The following BOC variants were observed in gnomAD, a reference collection of about 807,000 sequenced individuals.
BOC encodes the protein BOC cell adhesion associated, oncogene regulated, also known as brother of CDO.
In BOC, 76 loss-of-function variants were observed where a neutral mutation model predicts 112.0. The observed-to-expected ratio is 0.68, with a 90% CI of 0.56 to 0.82. BOC has a LOEUF of 0.82. Ranked by LOEUF, BOC falls within the 40% of genes least tolerant of loss-of-function variation. The pLI, the probability that BOC is intolerant of heterozygous loss-of-function variation, is 0.00. For missense variants in BOC, 1,309 were observed against 1,511.7 expected (o/e 0.87, Z 2.22); for synonymous variants, 580 against 599.8 (o/e 0.97, Z 0.48).
chr3:113,284,748 G>C (rs775222), intron 17 of BOC, 34 bp from the exon 18 acceptor site: 322,716 of 1,600,310 alleles, frequency 0.2, 38,025 homozygotes, highest in East Asian at 0.46. Context: ...GGACTCCCCG[G>C]CGTGGCCGTC....
At chr3:113,273,403 G>A in intron 8 of BOC, 62 bp downstream of exon 8, 1 of 1,492,600 alleles carries the variant, frequency 6.7e-7, no homozygotes, top group Admixed American at 2.3e-5. Context: ...TTTCTCAAAT[G>A]AAATCTAACT....
chr3:113,213,084 T>C (rs1490625048), intron 1 of BOC, among the ~76,000 whole-genome samples: 6 of 152,108 alleles, frequency 3.9e-5, no homozygotes, highest in Non-Finnish European at 8.8e-5. Flanking sequence ...GTTGTGCTCC[T>C]CCAGAGATGT....
At position 113,281,165 on chromosome 3, in the gene BOC, T is replaced by G. The variant is rs1176938422; in HGVS notation, c.2434+12T>G. ...CTGTGAGACCAAAGGTGAAGCTCTT[T>G]GGGTTCTCTCTCCTGTCTTGGTGTT... On this transcript the variant is annotated intron_variant, in intron 15 of 19. Coordinates refer to ENST00000682979, the MANE Select transcript of BOC (RefSeq NM_001378074.1). 15 of 1,613,810 alleles carry G rather than the reference T, an allele frequency of 9.3e-6. No homozygotes were observed. The highest frequency in any genetic ancestry group is 1.3e-5 in the African/African-American group (1 of 74,918).
rs773389786 is a variant in BOC at position 113,286,895 on chromosome 3, T to TG, written c.*34dup. The TG allele has an allele frequency of 2.1e-5, 31 of 1,484,376 alleles. No homozygotes were observed. The highest frequency in any genetic ancestry group is 3.0e-5 in the African/African-American group (2 of 65,710). The allele number at this position is 1,484,376 out of a possible 1,614,324, so 92.0% of individuals were successfully genotyped here. A position where few individuals can be genotyped will look rare whatever the true frequency, so the allele number is the denominator to read the frequency against. ...CTGATATCCCAGAAAGACTATATAT[T>TG]GTTTTTTTTTTAAAAAAAAAAAGAA... On this transcript the variant is annotated 3_prime_UTR_variant, in exon 20 of 20. Transcript: ENST00000682979.
chr3:113,220,912 C>G (rs77743786), intron 2 of BOC, among the ~76,000 whole-genome samples: 13,009 of 152,186 alleles, frequency 0.085, 1,488 homozygotes, highest in African/African-American at 0.26. Context: ...CCATCTGAGA[C>G]AACAGAAGTC....
intron 2 of BOC, among the ~76,000 whole-genome samples, chr3:113,238,518 T>G (rs1335313355): frequency 6.6e-6 from 1 of 152,252 alleles, no homozygotes; most frequent in Non-Finnish European, 1.5e-5. Flanking sequence ...TATGTTACTT[T>G]TCTCATCTTT....
At chr3:113,254,328 G>A (rs1006282800) in intron 4 of BOC, among the ~76,000 whole-genome samples, 13 of 152,322 alleles carry the variant, frequency 8.5e-5, no homozygotes, top group African/African-American at 3.1e-4. Flanking sequence ...GCAGGCATGG[G>A]GGGCTGTGTC....
At chr3:113,228,667 C>T (rs931488974) in intron 2 of BOC, among the ~76,000 whole-genome samples, 3 of 152,118 alleles carry the variant, frequency 2.0e-5, no homozygotes, top group African/African-American at 7.2e-5. Context: ...GAGTGGGGTC[C>T]ACTTCCTGTC....
At chr3:113,264,907 C>T (rs562816780) in intron 4 of BOC, among the ~76,000 whole-genome samples, 52 of 152,328 alleles carry the variant, frequency 3.4e-4, no homozygotes, top group African/African-American at 1.1e-3. Flanking sequence ...GCCTGCCAGT[C>T]GCCCCTTGTG....
intron 2 of BOC, among the ~76,000 whole-genome samples, chr3:113,236,266 G>GGGTATATATA (rs1553726809): frequency 3.8e-5 from 2 of 52,620 alleles, no homozygotes; most frequent in African/African-American, 1.2e-4. Flanking sequence ...GTGTGTGTGT[G>GGGTATATATA]TATATATACC....
intron 4 of BOC, among the ~76,000 whole-genome samples, chr3:113,259,122 A>C: frequency 6.6e-6 from 1 of 152,196 alleles, no homozygotes; most frequent in East Asian, 1.9e-4. Context: ...GCATCTTGGC[A>C]GCAAATGTCT....
intron 6 of BOC, 89 bp downstream of exon 6, chr3:113,271,033 C>G: frequency 6.4e-7 from 1 of 1,559,902 alleles, no homozygotes; most frequent in Non-Finnish European, 8.8e-7. Flanking sequence ...CCTGGAGGTG[C>G]CACATCCAAG....
intron 4 of BOC, among the ~76,000 whole-genome samples, chr3:113,257,709 T>C (rs986949629): frequency 2.0e-5 from 3 of 152,120 alleles, no homozygotes; most frequent in Non-Finnish European, 4.4e-5. Context: ...ATATATTTTC[T>C]TACTACAATT....
chr3:113,231,761 T>A (rs1456437031), intron 2 of BOC, among the ~76,000 whole-genome samples: 1 of 152,212 alleles, frequency 6.6e-6, no homozygotes, highest in Non-Finnish European at 1.5e-5. Context: ...TCCTCACTAA[T>A]CTCCTTTCCA....
At chr3:113,224,831 C>T (rs943515730) in intron 2 of BOC, among the ~76,000 whole-genome samples, 7 of 152,112 alleles carry the variant, frequency 4.6e-5, no homozygotes, top group Admixed American at 1.3e-4. Flanking sequence ...TGGTGGCTCA[C>T]GCCTGTAATC....
rs1317813108 is a variant in BOC at position 113,279,725 on chromosome 3, T to C, written c.2024-99T>C. The C allele has an allele frequency of 2.3e-6, 3 of 1,308,440 alleles. No individual in the cohort carries two copies. In the African/African-American group the frequency reaches 4.5e-5, roughly 19 times the overall value. 81.1% of individuals were successfully genotyped at this position (1,308,440 alleles called of 1,614,324 possible). A position where few individuals can be genotyped will look rare whatever the true frequency, so the allele number is the denominator to read the frequency against. On this transcript the variant is annotated intron_variant, in intron 12 of 19. Transcript: ENST00000682979. ...TTGAGAACTTGCTTTGGGGAAGGGC[T>C]GCCCAGAAGACCCCTCCAGGTCCTG...
chr3:113,263,961 A>G (rs1947174948), intron 4 of BOC, among the ~76,000 whole-genome samples: 1 of 152,202 alleles, frequency 6.6e-6, no homozygotes, highest in African/African-American at 2.4e-5. Context: ...ACATCACATG[A>G]TGTGTGTCTG....
At chr3:113,237,469 T>G (rs1943720188) in intron 2 of BOC, among the ~76,000 whole-genome samples, 1 of 152,224 alleles carries the variant, frequency 6.6e-6, no homozygotes, top group Non-Finnish European at 1.5e-5. Flanking sequence ...AGGCATGGTC[T>G]CATCCTAGAT....
chr3:113,238,891 T>C (rs1407005225), intron 2 of BOC, among the ~76,000 whole-genome samples: 2 of 152,218 alleles, frequency 1.3e-5, no homozygotes, highest in Non-Finnish European at 2.9e-5. Context: ...TACTGTTTGG[T>C]TGAGCTTAAT....
Sources: gnomAD v4.1 joint callset for allele counts (sites outside exome capture counted in the v4.1 genomes callset) on GRCh38, gnomAD v4.1.1 for gene constraint, MANE v1.5 for transcripts, NCBI Gene and HGNC (gene_info 2026-07-23, HGNC 2026-07-21) for gene names.